ZNF18: variants seen among roughly 807,000 people sequenced by gnomAD.
ZNF18 encodes zinc finger protein 18.
ZNF18 carries 42 observed loss-of-function variants against 58.1 expected under a neutral mutation model. That is an observed-to-expected ratio of 0.72 (90% CI 0.56 to 0.93). The LOEUF is 0.93. ZNF18 is among the 40% of genes least tolerant of loss of function. The probability of loss-of-function intolerance (pLI) is 0.00; values close to 1 mark genes in which losing one functional copy is unlikely to be tolerated. For missense variants in ZNF18, 540 were observed against 644.2 expected, an observed-to-expected ratio of 0.84 and a Z score of 1.75; for synonymous variants, 231 against 239.8, an observed-to-expected ratio of 0.96 and a Z score of 0.34.
the ZNF18 span, among the ~76,000 whole-genome samples, chr17:12,007,358 A>C: frequency 6.6e-6 from 1 of 152,216 alleles, no homozygotes; most frequent in East Asian, 1.9e-4. Context: ...CACAGGTGAC[A>C]ATCTTAGAGC....
the ZNF18 span, among the ~76,000 whole-genome samples, chr17:12,017,363 G>C: frequency 6.6e-6 from 1 of 152,290 alleles, no homozygotes; most frequent in East Asian, 1.9e-4. Flanking sequence ...TGCCTGAAGA[G>C]GCAACATCCG....
chr17:12,009,429 T>C, the ZNF18 span, among the ~76,000 whole-genome samples: 1 of 151,536 alleles, frequency 6.6e-6, no homozygotes, highest in East Asian at 1.9e-4. Flanking sequence ...CTCTGTGCCA[T>C]ACATTCCCGA....
intron 1 of ZNF18, among the ~76,000 whole-genome samples, chr17:11,994,418 T>C (rs1392142399): frequency 1.3e-5 from 2 of 152,222 alleles, no homozygotes; most frequent in African/African-American, 4.8e-5. Context: ...AGAAAATCCA[T>C]ATATAACTTC....
chr17:12,011,093 TC>T, the ZNF18 span: 1 of 700,622 alleles, frequency 1.4e-6, no homozygotes, highest in South Asian at 1.5e-5. Context: ...CAGTACTCAT[TC>T]CCTTGATGTC....
At chr17:12,006,927 T>C in the ZNF18 span, among the ~76,000 whole-genome samples, 10 of 152,320 alleles carry the variant, frequency 6.6e-5, no homozygotes, top group Non-Finnish European at 1.0e-4. Context: ...TATCATATTT[T>C]TACCTAAAAA....
At chr17:12,014,513 G>A in the ZNF18 span, among the ~76,000 whole-genome samples, 544 of 152,280 alleles carry the variant, frequency 3.6e-3, 3 homozygotes, top group African/African-American at 9.1e-3. Flanking sequence ...AAGCATTATG[G>A]TAAGTGAAAG....
chr17:11,992,539 G>A lies in ZNF18; in HGVS notation c.291C>T (p.Ile97=). The A allele has an allele frequency of 6.2e-7, 1 of 1,614,142 alleles. No individual in the cohort carries two copies. Among genetic ancestry groups the A allele is most frequent in the Non-Finnish European group, 8.5e-7 (1 of 1,180,020 alleles). ...EQFLTILPGE[I]QMWVRKQCPG... is the part of the protein sequence containing the mutation. The stretch of plus-strand genomic sequence containing the variant: ...GACACTGTTTCCGCACCCACATCTG[G>A]ATCTCCCCAGGCAGGATGGTCAGAA... Residue 97 remains isoleucine (I), a synonymous_variant, in exon 2 of 7, where the codon ATC becomes ATT. Coordinates refer to ENST00000580306, the MANE Select transcript of ZNF18 (RefSeq NM_001303281.2).
chr17:11,989,424 A>G (rs1413525913), intron 4 of ZNF18, among the ~76,000 whole-genome samples: 1 of 152,214 alleles, frequency 6.6e-6, no homozygotes, highest in East Asian at 1.9e-4. Flanking sequence ...CCCAGAACCA[A>G]TGCAGGTAGT....
At chr17:12,006,871 AATTT>A in the ZNF18 span, among the ~76,000 whole-genome samples, 1 of 152,206 alleles carries the variant, frequency 6.6e-6, no homozygotes, top group African/African-American at 2.4e-5. Flanking sequence ...CAACTAAATG[AATTT>A]AATTATGTAA....
At chr17:11,982,362 G>GT (rs926475280) in intron 6 of ZNF18, among the ~76,000 whole-genome samples, 17 of 150,900 alleles carry the variant, frequency 1.1e-4, no homozygotes, top group Admixed American at 8.6e-4. Context: ...ATCTTATTGT[G>GT]TTTTTTTTTA....
chr17:11,978,748 A>G lies in ZNF18; in HGVS notation c.863-4T>C. 6.4e-7 allele frequency: 1 copy of G among 1,561,830 alleles called. No individual in the cohort carries two copies. Among genetic ancestry groups the G allele is most frequent in the Non-Finnish European group, 8.6e-7 (1 of 1,160,858 alleles). On this transcript the variant is annotated splice_region_variant and splice_polypyrimidine_tract_variant and intron_variant, in intron 6 of 6. Coordinates refer to ENST00000580306, the MANE Select transcript of ZNF18 (RefSeq NM_001303281.2). ...TTGTCATTCTCTTGTCTATCTCCTAAAAGAAGAAAGAAGATTTGAAATGGT... is the reference window on the plus strand; with the variant it reads ...TTGTCATTCTCTTGTCTATCTCCTAGAAGAAGAAAGAAGATTTGAAATGGT...
chr17:12,014,950 A>T, the ZNF18 span, among the ~76,000 whole-genome samples: 4 of 152,044 alleles, frequency 2.6e-5, no homozygotes, highest in Non-Finnish European at 4.4e-5. Flanking sequence ...CGGGAGGCTG[A>T]TGCAGGAGAA....
intron 5 of ZNF18, among the ~76,000 whole-genome samples, 179 bp downstream of exon 5, chr17:11,983,934 G>A (rs539500555): frequency 4.6e-5 from 7 of 152,278 alleles, no homozygotes; most frequent in East Asian, 1.9e-4. Context: ...TTCAATACAA[G>A]GAAGTTCTTA....
chr17:12,013,573 A>G, the ZNF18 span, among the ~76,000 whole-genome samples: 1 of 152,124 alleles, frequency 6.6e-6, no homozygotes, highest in African/African-American at 2.4e-5. Flanking sequence ...TAATTATACT[A>G]TATTCTCAAA....
Position 11,990,525 on chromosome 17 carries a change from TC to T in ZNF18, c.602del (p.Arg201HisfsTer6). 1 of 1,611,594 alleles carries T rather than the reference TC, an allele frequency of 6.2e-7. No individual in the cohort carries two copies. The highest frequency in any genetic ancestry group is 8.5e-7 in the Non-Finnish European group (1 of 1,179,386). ...ELALAASQPARLEERLIRDQD... is the reference protein window; with the variant it reads ...ELALAASQPAXLEERLIRDQD... ...GGTCTCTGATCAGCCTTTCCTCCAG[TC>T]GGGCAGGCTGGGAGGCAGCCAGGGC... On this transcript the variant is annotated frameshift_variant, in exon 4 of 7. Coordinates refer to ENST00000580306, the MANE Select transcript of ZNF18 (RefSeq NM_001303281.2). LOFTEE classifies it high-confidence loss of function.
At chr17:12,014,224 A>G in the ZNF18 span, among the ~76,000 whole-genome samples, 1 of 152,234 alleles carries the variant, frequency 6.6e-6, no homozygotes, top group Admixed American at 6.5e-5. Context: ...TAAAAAGTCT[A>G]GTAGTTCCTC....
intron 2 of ZNF18, 70 bp from the exon 3 acceptor site, chr17:11,991,233 T>A: frequency 1.5e-6 from 2 of 1,367,028 alleles, no homozygotes; most frequent in Non-Finnish European, 2.0e-6. Flanking sequence ...ACACAAAGCT[T>A]ACTCTCTACA....
the ZNF18 span, among the ~76,000 whole-genome samples, chr17:12,018,693 C>A: frequency 6.6e-6 from 1 of 152,150 alleles, no homozygotes; most frequent in Non-Finnish European, 1.5e-5. Flanking sequence ...AAAGCTCATA[C>A]ATAGCTTCCT....
At chr17:12,008,014 G>A in the ZNF18 span, among the ~76,000 whole-genome samples, 1 of 152,150 alleles carries the variant, frequency 6.6e-6, no homozygotes, top group Non-Finnish European at 1.5e-5. Flanking sequence ...CAGCAGCAGT[G>A]GTCTGCTGTA....
Sources: allele counts gnomAD v4.1 joint callset (sites outside exome capture counted in the v4.1 genomes callset), GRCh38; gene constraint gnomAD v4.1.1; transcripts MANE v1.5; gene names NCBI Gene and HGNC (gene_info 2026-07-23, HGNC 2026-07-21).